Variants in CAMKMT observed in about 807,000 individuals in gnomAD.
The protein encoded by CAMKMT is CaM KMT.
A neutral mutation model predicts 48.0 loss-of-function variants in CAMKMT; 53 were observed. The ratio of observed to expected loss-of-function variants is 1.10; its 90% confidence interval spans 0.89 to 1.39. The LOEUF is 1.39. Ranked by LOEUF, CAMKMT falls within the 40% of genes most tolerant of loss-of-function variation. CAMKMT has a pLI of 0.00. For synonymous variants in CAMKMT, 165 were observed against 152.3 expected (o/e 1.08, Z -0.61); for missense variants, 428 against 402.7 (o/e 1.06, Z -0.54).
chr2:44,666,264 T>G (rs1195360141), intron 3 of CAMKMT, among the ~76,000 whole-genome samples: 1 of 152,218 alleles, frequency 6.6e-6, no homozygotes, highest in Non-Finnish European at 1.5e-5. Context: ...GACAGTTTCA[T>G]CAAGTCATTG....
chr2:44,382,669 C>G (rs961660079), intron 2 of CAMKMT, among the ~76,000 whole-genome samples: 7 of 151,710 alleles, frequency 4.6e-5, no homozygotes, highest in Non-Finnish European at 1.5e-5. Context: ...TTAGTAGATA[C>G]AGGGTTTCAC....
intron 3 of CAMKMT, among the ~76,000 whole-genome samples, chr2:44,565,804 C>A (rs529472230): frequency 6.6e-6 from 1 of 152,202 alleles, no homozygotes; most frequent in Admixed American, 6.5e-5. Context: ...TGATCAATTA[C>A]TGGGCAGGGC....
At chr2:44,389,112 G>A (rs993758048) in intron 2 of CAMKMT, among the ~76,000 whole-genome samples, 5 of 152,122 alleles carry the variant, frequency 3.3e-5, no homozygotes, top group African/African-American at 9.7e-5. Flanking sequence ...GGCTGGGTAG[G>A]GAAGGACCAT....
rs1306049573 is a variant in CAMKMT, at chr2:44,657,902, C to A, written c.377-46381C>A. ...CATCTTAGGTGTTCATTTCAAAATT[C>A]ATATAAATGTCTCATTTTCCTCCAT... On this transcript the variant is annotated intron_variant, in intron 3 of 10. Coordinates refer to ENST00000378494, the MANE Select transcript of CAMKMT (RefSeq NM_024766.5). This position sits in a 1 kb window ranked among gnomAD's most constrained non-coding sequence, Gnocchi z 4.3. Among the ~76,000 whole-genome samples, 1 of 151,792 alleles carries A rather than the reference C, an allele frequency of 6.6e-6. No individual in the cohort carries two copies. The highest frequency in any genetic ancestry group is 6.6e-5 in the Admixed American group (1 of 15,252).
At chr2:44,528,021 T>A (rs556228398) in intron 3 of CAMKMT, among the ~76,000 whole-genome samples, 29 of 152,280 alleles carry the variant, frequency 1.9e-4, no homozygotes, top group Middle Eastern at 3.4e-3. Flanking sequence ...TTCCTTGTAG[T>A]TCTTTTAAAA....
Position 44,642,539 on chromosome 2 carries a change from G to A in CAMKMT, c.377-61744G>A, listed in dbSNP as rs182030250. Among the ~76,000 whole-genome samples, 5 of 152,266 alleles carry A rather than the reference G, an allele frequency of 3.3e-5. No homozygotes were observed. The East Asian group carries it at 9.6e-4, about 29-fold the overall frequency. On this transcript the variant is annotated intron_variant, in intron 3 of 10. Coordinates refer to ENST00000378494, the MANE Select transcript of CAMKMT (RefSeq NM_024766.5). ...GTCCAGGTATTTGAAAAGAAGACTG[G>A]TTGTCAGGAAGCATTCCTTCTGCTT...
chr2:44,469,837 C>G (rs1014501578), intron 3 of CAMKMT, among the ~76,000 whole-genome samples: 2 of 151,400 alleles, frequency 1.3e-5, no homozygotes, highest in African/African-American at 4.8e-5. Flanking sequence ...TTTGTTTGCT[C>G]TCATGTTCCT....
chr2:44,645,468 T>C (rs918526091), intron 3 of CAMKMT, among the ~76,000 whole-genome samples: 7 of 152,130 alleles, frequency 4.6e-5, no homozygotes, highest in African/African-American at 1.4e-4. Context: ...GGTTTTAGAA[T>C]GGCAGGATGA....
At chr2:44,580,575 T>G (rs1275678341) in intron 3 of CAMKMT, among the ~76,000 whole-genome samples, 17 of 152,190 alleles carry the variant, frequency 1.1e-4, no homozygotes, top group Non-Finnish European at 1.9e-4. Flanking sequence ...TTATTGTTCA[T>G]TTAGGGCCAC....
At chr2:44,769,771 G>A (rs915589806) in intron 10 of CAMKMT, among the ~76,000 whole-genome samples, 1 of 152,036 alleles carries the variant, frequency 6.6e-6, no homozygotes, top group African/African-American at 2.4e-5. Context: ...TTAAAAACAC[G>A]GCCATATTGC....
chr2:44,369,457 G>C (rs1051318462), intron 1 of CAMKMT, among the ~76,000 whole-genome samples: 2 of 152,074 alleles, frequency 1.3e-5, no homozygotes, highest in South Asian at 4.1e-4. Context: ...GCTACTTTAA[G>C]CAGAAATGGG....
At chr2:44,552,280 CATT>C (rs1418206957) in intron 3 of CAMKMT, among the ~76,000 whole-genome samples, 2 of 152,056 alleles carry the variant, frequency 1.3e-5, no homozygotes, top group East Asian at 1.9e-4. Context: ...CGATTGTACT[CATT>C]ATTACTTTTG....
intron 3 of CAMKMT, among the ~76,000 whole-genome samples, chr2:44,702,975 C>T (rs925739605): frequency 2.4e-4 from 37 of 152,104 alleles, no homozygotes; most frequent in African/African-American, 8.7e-4. Context: ...ATGTTTCAAC[C>T]TTGCATTAAG....
intron 3 of CAMKMT, among the ~76,000 whole-genome samples, chr2:44,568,656 G>T (rs1288117471): frequency 6.6e-6 from 1 of 152,144 alleles, no homozygotes; most frequent in Non-Finnish European, 1.5e-5. Context: ...GGAAGGAGAA[G>T]GGGCCAGACT....
intron 3 of CAMKMT, among the ~76,000 whole-genome samples, chr2:44,513,899 A>C (rs1386231367): frequency 6.6e-6 from 1 of 152,028 alleles, no homozygotes; most frequent in East Asian, 1.9e-4. Flanking sequence ...CCAGGAGTTC[A>C]AGACCAGCCT....
At chr2:44,550,069 C>G (rs1174308381) in intron 3 of CAMKMT, among the ~76,000 whole-genome samples, 3 of 152,068 alleles carry the variant, frequency 2.0e-5, no homozygotes, top group Admixed American at 2.0e-4. Context: ...GATAAAGAGC[C>G]AATACCAGCA....
intron 2 of CAMKMT, among the ~76,000 whole-genome samples, chr2:44,386,501 G>T (rs1390002355): frequency 2.0e-5 from 3 of 151,880 alleles, no homozygotes; most frequent in Non-Finnish European, 2.9e-5. Context: ...TGTTGTTGTT[G>T]TTTCAATTTC....
At chr2:44,374,757 A>G (rs1343810124) in intron 2 of CAMKMT, among the ~76,000 whole-genome samples, 1 of 152,200 alleles carries the variant, frequency 6.6e-6, no homozygotes, top group East Asian at 1.9e-4. Flanking sequence ...ATGTATATCT[A>G]TACAAATATG....
chr2:44,503,984 G>GGAGA (rs370141046), intron 3 of CAMKMT, among the ~76,000 whole-genome samples: 203 of 142,220 alleles, frequency 1.4e-3, no homozygotes, highest in Middle Eastern at 3.5e-3. Flanking sequence ...GAGCGGGTGG[G>GGAGA]GAGAGAGAGA....
Sources: allele counts gnomAD v4.1 joint callset (sites outside exome capture counted in the v4.1 genomes callset), GRCh38; gene constraint gnomAD v4.1.1; non-coding constraint Gnocchi (gnomAD v3.1); transcripts MANE v1.5; gene names NCBI Gene and HGNC (gene_info 2026-07-23, HGNC 2026-07-21).